ZNF254: variants seen among roughly 807,000 people sequenced by gnomAD.
The protein encoded by ZNF254 is zinc finger protein 254.
ZNF254 carries 10 observed loss-of-function variants against 12.4 expected under a neutral mutation model. The observed-to-expected ratio is 0.80, with a 90% CI of 0.50 to 1.36. The LOEUF is 1.36. Ranked by LOEUF, ZNF254 falls within the 40% of genes most tolerant of loss-of-function variation. The pLI, the probability that ZNF254 is intolerant of heterozygous loss-of-function variation, is 0.00. For missense variants in ZNF254, 996 were observed against 763.9 expected, an observed-to-expected ratio of 1.30 and a Z score of -3.58; for synonymous variants, 305 against 253.4, an observed-to-expected ratio of 1.20 and a Z score of -1.93.
intron 3 of ZNF254, among the ~76,000 whole-genome samples, chr19:24,118,522 G>A (rs753477149): frequency 3.7e-4 from 56 of 152,068 alleles, no homozygotes; most frequent in Non-Finnish European, 6.8e-4. Context: ...CGATGAAAAT[G>A]TATTTCAATT....
At chr19:24,041,944 G>A (rs1014903865) in intron 1 of ZNF254, among the ~76,000 whole-genome samples, 1 of 152,048 alleles carries the variant, frequency 6.6e-6, no homozygotes, top group Non-Finnish European at 1.5e-5. Flanking sequence ...CTCAGGGATT[G>A]TAAATACACC....
At chr19:24,033,581 G>C (rs1199939582) in exon 1 of ZNF254, 6 of 385,566 alleles carry the variant, frequency 1.6e-5, no homozygotes, top group South Asian at 1.2e-4. Flanking sequence ...CCGGAGAGAC[G>C]CACAGCTAAG....
At position 24,127,332 on chromosome 19, in the gene ZNF254, C is replaced by G. The variant is rs776337445; in HGVS notation, c.1332C>G (p.Ile444Met). 7 of 1,613,270 alleles carry G rather than the reference C, an allele frequency of 4.3e-6. No homozygotes were observed. In the South Asian group the frequency reaches 7.7e-5, roughly 18 times the overall value. The change falls in exon 4 of 4, where the codon ATC becomes ATG. Residue 444 changes from isoleucine (I) to methionine (M), a missense_variant. Physicochemically the swap from Ile to Met is conservative, Grantham distance 10. Coordinates refer to ENST00000357002, the MANE Select transcript of ZNF254 (RefSeq NM_203282.4). ...YKCEECGKAFIWSSTLTKHKR... is the reference protein window; with the variant it reads ...YKCEECGKAFMWSSTLTKHKR... The stretch of plus-strand genomic sequence containing the variant: ...GTGAAGAATGTGGCAAAGCATTTAT[C>G]TGGTCCTCAACCCTTACTAAACATA...
At chr19:24,078,557 A>G (rs1381864318) in intron 2 of ZNF254, 4 of 152,262 alleles carry the variant, frequency 2.6e-5, no homozygotes, top group East Asian at 3.9e-4. Flanking sequence ...GCTATCCTCA[A>G]TATCTGACAT....
At chr19:24,125,191 G>A (rs1032523079) in intron 3 of ZNF254, among the ~76,000 whole-genome samples, 1 of 145,702 alleles carries the variant, frequency 6.9e-6, no homozygotes, top group Non-Finnish European at 1.5e-5. Context: ...TGTTATTCTA[G>A]TTTGTTTGTT....
At chr19:24,040,814 G>T (rs1003037109) in intron 1 of ZNF254, among the ~76,000 whole-genome samples, 1 of 152,196 alleles carries the variant, frequency 6.6e-6, no homozygotes, top group Non-Finnish European at 1.5e-5. Flanking sequence ...CAAAGCATGT[G>T]ATCCTCTGAG....
chr19:24,084,004 T>G (rs1971939959), upstream of ZNF254, among the ~76,000 whole-genome samples: 1 of 151,732 alleles, frequency 6.6e-6, no homozygotes, highest in Admixed American at 6.6e-5. Flanking sequence ...TGGTGAAAAA[T>G]AAGTCATTAT....
chr19:24,087,270 G>T lies in ZNF254; in HGVS notation c.-38G>T, dbSNP rs1432369240. On this transcript the variant is annotated 5_prime_UTR_variant, in exon 1 of 4. Coordinates refer to ENST00000357002, the MANE Select transcript of ZNF254 (RefSeq NM_203282.4). ...TGCTCCTAGAGGCCCAGCCTCTGTG[G>T]CGCTGTTACCAGCAGGTATTGGAGA... 7 of 1,612,784 alleles carry T rather than the reference G, an allele frequency of 4.3e-6. No homozygotes were observed. The highest frequency in any genetic ancestry group is 4.2e-6 in the Non-Finnish European group (5 of 1,179,316).
At chr19:24,047,666 AC>A (rs1331698368) in intron 2 of ZNF254, among the ~76,000 whole-genome samples, 1 of 91,920 alleles carries the variant, frequency 1.1e-5, no homozygotes, top group Non-Finnish European at 2.2e-5. Context: ...TCTTTATTCT[AC>A]ATTTTTCTTT....
chr19:24,084,156 T>A (rs1308467984), upstream of ZNF254, among the ~76,000 whole-genome samples: 8 of 147,654 alleles, frequency 5.4e-5, no homozygotes, highest in Admixed American at 3.4e-4. Flanking sequence ...TATATATATA[T>A]AATATATATA....
At chr19:24,056,994 G>A (rs1353677966) in intron 2 of ZNF254, among the ~76,000 whole-genome samples, 1 of 152,084 alleles carries the variant, frequency 6.6e-6, no homozygotes, top group East Asian at 1.9e-4. Flanking sequence ...GCACAATGTT[G>A]GCTGTCATAT....
intron 2 of ZNF254, among the ~76,000 whole-genome samples, chr19:24,057,660 C>T (rs1970911584): frequency 6.6e-6 from 1 of 152,212 alleles, no homozygotes; most frequent in Non-Finnish European, 1.5e-5. Context: ...TATCCAGAGA[C>T]AGTTGCAAGT....
At chr19:24,043,029 G>A (rs1970237346) in intron 1 of ZNF254, among the ~76,000 whole-genome samples, 2 of 151,698 alleles carry the variant, frequency 1.3e-5, no homozygotes, top group African/African-American at 4.8e-5. Flanking sequence ...TTTGTTTTTT[G>A]CTTATAGCTT....
intron 2 of ZNF254, among the ~76,000 whole-genome samples, chr19:24,072,378 G>T (rs562737991): frequency 6.6e-6 from 1 of 152,106 alleles, no homozygotes; most frequent in South Asian, 2.1e-4. Flanking sequence ...CGCCATGTTG[G>T]CCAGGCTGGT....
intron 1 of ZNF254, chr19:24,098,664 G>C (rs1032996223): frequency 1.3e-5 from 2 of 152,174 alleles, no homozygotes; most frequent in African/African-American, 2.4e-5. Context: ...TCTAATCTCA[G>C]GTTTTTTAAA....
intron 2 of ZNF254, among the ~76,000 whole-genome samples, chr19:24,047,632 G>T (rs1599586254): frequency 2.1e-5 from 2 of 96,038 alleles, no homozygotes; most frequent in Non-Finnish European, 4.1e-5. Context: ...TCTCTTGCTT[G>T]CTTGCTTCTT....
intron 3 of ZNF254, among the ~76,000 whole-genome samples, chr19:24,107,694 A>G (rs1973431516): frequency 6.6e-6 from 1 of 152,170 alleles, no homozygotes; most frequent in African/African-American, 2.4e-5. Context: ...TTTGTCTTCC[A>G]CATGCTTTCA....
chr19:24,117,636 C>G (rs1264557956), intron 3 of ZNF254, among the ~76,000 whole-genome samples: 2 of 152,128 alleles, frequency 1.3e-5, no homozygotes, highest in Non-Finnish European at 1.5e-5. Context: ...TCCCTGACCC[C>G]TTGCACTTCC....
At chr19:24,044,455 A>G (rs893836114) in intron 1 of ZNF254, among the ~76,000 whole-genome samples, 3 of 149,210 alleles carry the variant, frequency 2.0e-5, no homozygotes, top group Admixed American at 6.7e-5. Context: ...AGAAAATGGC[A>G]TGAACCCGGG....
Sources: gnomAD v4.1 joint callset for allele counts (sites outside exome capture counted in the v4.1 genomes callset) on GRCh38, gnomAD v4.1.1 for gene constraint, MANE v1.5 for transcripts, NCBI Gene and HGNC (gene_info 2026-07-23, HGNC 2026-07-21) for gene names.